The following H2BC11 variants were observed in gnomAD, a reference collection of about 807,000 sequenced individuals.
The protein encoded by H2BC11 is histone H2B type 1-J.
A neutral mutation model predicts 6.0 loss-of-function variants in H2BC11; 7 were observed. That is an observed-to-expected ratio of 1.16 (90% CI 0.66 to 2.19). The LOEUF (loss-of-function observed/expected upper bound fraction) is 2.19, where lower values mean the gene tolerates loss of function less well. Among genes scored for constraint, H2BC11 ranks in the 30% most tolerant of loss-of-function variants. The pLI is 0.00. For synonymous variants in H2BC11, 127 were observed against 72.0 expected, an observed-to-expected ratio of 1.77 and a Z score of -3.87; for missense variants, 215 against 170.3, an observed-to-expected ratio of 1.26 and a Z score of -1.46.
rs767155354 is a variant in H2BC11 at position 27,132,490 on chromosome 6, G to A, written c.261C>T (p.Arg87=). ...EASRLAHYNK[R]STITSREIQT... ...GGATCTCCCTGGAGGTGATGGTCGA[G>A]CGCTTGTTGTAATGCGCCAGGCGGG... The change falls in exon 1 of 1, where the codon CGC becomes CGT. Residue 87 remains arginine (R), a synonymous_variant. Coordinates refer to ENST00000339812, the MANE Select transcript of H2BC11 (RefSeq NM_021058.4). 5.6e-6 allele frequency: 9 copies of A among 1,614,142 alleles called. No individual in the cohort carries two copies. Among genetic ancestry groups the A allele is most frequent in the Non-Finnish European group, 7.6e-6 (9 of 1,180,058 alleles).
rs1277089793 is a variant in H2BC11, at chr6:27,132,499, G to A, written c.252C>T (p.Tyr84=). 3 of 1,614,132 alleles carry A rather than the reference G, an allele frequency of 1.9e-6. No individual in the cohort carries two copies. Among genetic ancestry groups the A allele is most frequent in the South Asian group, 1.1e-5 (1 of 91,094 alleles). The change falls in exon 1 of 1, where the codon TAC becomes TAT. Residue 84 remains tyrosine (Y), a synonymous_variant. Coordinates refer to ENST00000339812, the MANE Select transcript of H2BC11 (RefSeq NM_021058.4). ...TGGAGGTGATGGTCGAGCGCTTGTT[G>A]TAATGCGCCAGGCGGGAAGCCTCAC... ...IAGEASRLAH[Y]NKRSTITSRE...
rs781009697 is a variant in H2BC11 at position 27,132,543 on chromosome 6, TGTC to T, written c.205_207del (p.Asp69del). On this transcript the variant is annotated inframe_deletion, in exon 1 of 1. Coordinates refer to ENST00000339812, the MANE Select transcript of H2BC11 (RefSeq NM_021058.4). ...GCCTCACCTGCGATGCGCTCGAAAATGTCGTTCACAAACGAATTCATGATGCCC... is the reference window on the plus strand; with the variant it reads ...GCCTCACCTGCGATGCGCTCGAAAATGTTCACAAACGAATTCATGATGCCC... 8.1e-6 allele frequency: 13 copies of T among 1,614,078 alleles called. No homozygotes were observed. In the Admixed American group the frequency reaches 1.2e-4, roughly 14 times the overall value.
rs1391056146 is a variant in H2BC11, at chr6:27,132,462, T to A, written c.289A>T (p.Thr97Ser). Residue 97 changes from threonine (T) to serine (S), a missense_variant, in exon 1 of 1, where the codon ACG becomes TCG. Transcript: ENST00000339812. ...RSTITSREIQ[T>S]AVRLLLPGEL... ...CCAGGCAGCAGCAGGCGCACGGCCG[T>A]CTGGATCTCCCTGGAGGTGATGGTC... is the stretch of plus-strand genomic sequence containing the variant. The A allele has an allele frequency of 4.3e-6, 7 of 1,614,044 alleles. No homozygotes were observed. The highest frequency in any genetic ancestry group is 5.9e-6 in the Non-Finnish European group (7 of 1,180,030).
chr6:27,132,696 C>T lies in H2BC11; in HGVS notation c.55G>A (p.Val19Met), dbSNP rs1240785123. 4 of 1,614,126 alleles carry T rather than the reference C, an allele frequency of 2.5e-6. No individual in the cohort carries two copies. The African/African-American group carries it at 5.3e-5, about 22-fold the overall frequency. ...PAPKKGSKKAVTKAQKKDGKK... is the reference protein window; with the variant it reads ...PAPKKGSKKAMTKAQKKDGKK... ...CCGTCTTTCTTCTGCGCCTTAGTCACCGCCTTCTTGGAGCCCTTTTTCGGG... is the reference window on the plus strand; with the variant it reads ...CCGTCTTTCTTCTGCGCCTTAGTCATCGCCTTCTTGGAGCCCTTTTTCGGG... Residue 19 changes from valine (V) to methionine (M), a missense_variant, in exon 1 of 1, where the codon GTG becomes ATG. Physicochemically the swap from Val to Met is conservative, Grantham distance 21. Coordinates refer to ENST00000339812, the MANE Select transcript of H2BC11 (RefSeq NM_021058.4).
At position 27,132,656 on chromosome 6, in the gene H2BC11, C is replaced by G. The variant is rs1315066105; in HGVS notation, c.95G>C (p.Arg32Pro). The G allele has an allele frequency of 6.2e-7, 1 of 1,614,112 alleles. No homozygotes were observed. Among genetic ancestry groups the G allele is most frequent in the African/African-American group, 1.3e-5 (1 of 74,934 alleles). ...AQKKDGKKRK[R>P]SRKESYSIYV... ...GATGGAATAGCTCTCCTTGCGGCTG[C>G]GCTTGCGCTTCTTGCCGTCTTTCTT... is the stretch of plus-strand genomic sequence containing the variant. The change falls in exon 1 of 1, where the codon CGC becomes CCC. Residue 32 changes from arginine (R) to proline (P), a missense_variant. Physicochemically the swap from Arg to Pro is moderately radical, Grantham distance 103 (BLOSUM62 -2). Coordinates refer to ENST00000339812, the MANE Select transcript of H2BC11 (RefSeq NM_021058.4).
Position 27,132,556 on chromosome 6 carries a change from C to T in H2BC11, c.195G>A (p.Ser65=), listed in dbSNP as rs1451593626. The T allele has an allele frequency of 6.2e-7, 1 of 1,614,088 alleles. No homozygotes were observed. Among genetic ancestry groups the T allele is most frequent in the Non-Finnish European group, 8.5e-7 (1 of 1,180,058 alleles). The stretch of plus-strand genomic sequence containing the variant: ...TGCGCTCGAAAATGTCGTTCACAAA[C>T]GAATTCATGATGCCCATGGCCTTGG... ...ISSKAMGIMN[S]FVNDIFERIA... Residue 65 remains serine, a synonymous_variant, in exon 1 of 1, where the codon TCG becomes TCA. Coordinates refer to ENST00000339812, the MANE Select transcript of H2BC11 (RefSeq NM_021058.4).
rs749835594 is a variant in H2BC11 at position 27,132,655 on chromosome 6, G to A, written c.96C>T (p.Arg32=). 1.2e-6 allele frequency: 2 copies of A among 1,614,238 alleles called. No individual in the cohort carries two copies. Among genetic ancestry groups the A allele is most frequent in the Non-Finnish European group, 1.7e-6 (2 of 1,180,040 alleles). ...AQKKDGKKRK[R]SRKESYSIYV... ...AGATGGAATAGCTCTCCTTGCGGCT[G>A]CGCTTGCGCTTCTTGCCGTCTTTCT... Residue 32 remains arginine (R), a synonymous_variant, in exon 1 of 1, where the codon CGC becomes CGT. Transcript: ENST00000339812.
rs2272811 is a variant in H2BC11, at chr6:27,132,412, G to A, written c.339C>T (p.Ser113=). ...ACTTGGTGACGGCCTTAGTACCCTC[G>A]GACACGGCGTGCTTGGCCAACTCCC... is the stretch of plus-strand genomic sequence containing the variant. The part of the protein sequence containing the change: ...LPGELAKHAV[S]EGTKAVTKYT... Residue 113 remains serine (S), a synonymous_variant, in exon 1 of 1, where the codon TCC becomes TCT. Transcript: ENST00000339812. The A allele has an allele frequency of 1.7e-5, 27 of 1,614,130 alleles. No individual in the cohort carries two copies. In the East Asian group the frequency reaches 4.0e-4, roughly 24 times the overall value.
Position 27,132,334 on chromosome 6 carries a change from G to A in H2BC11, c.*36C>T. ...GAGAACATGGGTGGCTCTTAAAAGA[G>A]CCGTTAGGGTTGAGAGTTTGCAACC... On this transcript the variant is annotated 3_prime_UTR_variant, in exon 1 of 1. Coordinates refer to ENST00000339812, the MANE Select transcript of H2BC11 (RefSeq NM_021058.4). 1 of 1,610,934 alleles carries A rather than the reference G, an allele frequency of 6.2e-7. No individual in the cohort carries two copies. Among genetic ancestry groups the A allele is most frequent in the South Asian group, 1.1e-5 (1 of 90,862 alleles).
Position 27,132,631 on chromosome 6 carries a change from G to C in H2BC11, c.120C>G (p.Ile40Met), listed in dbSNP as rs764025317. 1.2e-6 allele frequency: 2 copies of C among 1,614,238 alleles called. No individual in the cohort carries two copies. Among genetic ancestry groups the C allele is most frequent in the Non-Finnish European group, 1.7e-6 (2 of 1,180,042 alleles). The change falls in exon 1 of 1, where the codon ATC becomes ATG. Residue 40 changes from isoleucine to methionine, a missense_variant. Transcript: ENST00000339812. ...RKRSRKESYS[I>M]YVYKVLKQVH... is the part of the protein sequence containing the mutation. ...CCTGCTTCAGAACCTTGTACACATA[G>C]ATGGAATAGCTCTCCTTGCGGCTGC... is the stretch of plus-strand genomic sequence containing the variant.
rs777415433 is a variant in H2BC11 at position 27,132,368 on chromosome 6, G to A, written c.*2C>T. 2 of 1,614,144 alleles carry A rather than the reference G, an allele frequency of 1.2e-6. No individual in the cohort carries two copies. Among genetic ancestry groups the A allele is most frequent in the Non-Finnish European group, 1.7e-6 (2 of 1,180,020 alleles). Reference sequence around the variant, plus strand: ...GTTGAGAGTTTGCAACCAACTCACTGTTTACTTAGCGCTGGTGTACTTGGT... The same window carrying A: ...GTTGAGAGTTTGCAACCAACTCACTATTTACTTAGCGCTGGTGTACTTGGT... On this transcript the variant is annotated 3_prime_UTR_variant, in exon 1 of 1. Coordinates refer to ENST00000339812, the MANE Select transcript of H2BC11 (RefSeq NM_021058.4).
chr6:27,132,634 G>A lies in H2BC11; in HGVS notation c.117C>T (p.Ser39=), dbSNP rs751383107. The A allele has an allele frequency of 1.1e-5, 18 of 1,614,250 alleles. No individual in the cohort carries two copies. Among genetic ancestry groups the A allele is most frequent in the Middle Eastern group, 1.6e-4 (1 of 6,062 alleles). ...KRKRSRKESY[S]IYVYKVLKQV... is the part of the protein sequence containing the mutation. ...GCTTCAGAACCTTGTACACATAGAT[G>A]GAATAGCTCTCCTTGCGGCTGCGCT... is the stretch of plus-strand genomic sequence containing the variant. The change falls in exon 1 of 1, where the codon TCC becomes TCT. Residue 39 remains serine (S), a synonymous_variant. Coordinates refer to ENST00000339812, the MANE Select transcript of H2BC11 (RefSeq NM_021058.4).
rs763616776 is a variant in H2BC11 at position 27,132,779 on chromosome 6, A to AT, written c.-30_-29insA. ...ACTGTGTAGCTATAAAGCGCCAACG[A>AT]AAAGGAAAAACAGCGTGAGCAGGGT... On this transcript the variant is annotated 5_prime_UTR_variant, in exon 1 of 1. Coordinates refer to ENST00000339812, the MANE Select transcript of H2BC11 (RefSeq NM_021058.4). 2 of 1,594,826 alleles carry AT rather than the reference A, an allele frequency of 1.3e-6. No individual in the cohort carries two copies. Among genetic ancestry groups the AT allele is most frequent in the East Asian group, 4.5e-5 (2 of 44,768 alleles).
chr6:27,132,707 G>A lies in H2BC11; in HGVS notation c.44C>T (p.Ser15Phe), dbSNP rs775202984. Residue 15 changes from serine to phenylalanine, a missense_variant, in exon 1 of 1, where the codon TCC becomes TTC. Transcript: ENST00000339812. ...AKSAPAPKKG[S>F]KKAVTKAQKK... is the part of the protein sequence containing the mutation. ...CTGCGCCTTAGTCACCGCCTTCTTGGAGCCCTTTTTCGGGGCGGGAGCAGA... is the reference window on the plus strand; with the variant it reads ...CTGCGCCTTAGTCACCGCCTTCTTGAAGCCCTTTTTCGGGGCGGGAGCAGA... 10 of 1,614,036 alleles carry A rather than the reference G, an allele frequency of 6.2e-6. No homozygotes were observed. The highest frequency in any genetic ancestry group is 1.6e-4 in the Middle Eastern group (1 of 6,084).
chr6:27,132,775 A>G lies in H2BC11; in HGVS notation c.-25T>C. 1 of 1,595,718 alleles carries G rather than the reference A, an allele frequency of 6.3e-7. No homozygotes were observed. The highest frequency in any genetic ancestry group is 8.5e-7 in the Non-Finnish European group (1 of 1,174,186). ...TAGCACTGTGTAGCTATAAAGCGCC[A>G]ACGAAAAGGAAAAACAGCGTGAGCA... is the stretch of plus-strand genomic sequence containing the variant. On this transcript the variant is annotated 5_prime_UTR_variant, in exon 1 of 1. Transcript: ENST00000339812.
rs925199846 is a variant in H2BC11, at chr6:27,132,475, G to A, written c.276C>T (p.Ser92=). The A allele has an allele frequency of 3.7e-6, 6 of 1,614,130 alleles. No homozygotes were observed. The highest frequency in any genetic ancestry group is 4.5e-5 in the East Asian group (2 of 44,898). ...AHYNKRSTIT[S]REIQTAVRLL... ...GGCGCACGGCCGTCTGGATCTCCCTGGAGGTGATGGTCGAGCGCTTGTTGT... is the reference window on the plus strand; with the variant it reads ...GGCGCACGGCCGTCTGGATCTCCCTAGAGGTGATGGTCGAGCGCTTGTTGT... Residue 92 remains serine (S), a synonymous_variant, in exon 1 of 1, where the codon TCC becomes TCT. Transcript: ENST00000339812.
chr6:27,132,574 G>T lies in H2BC11; in HGVS notation c.177C>A (p.Ala59=). Residue 59 remains alanine, a synonymous_variant, in exon 1 of 1, where the codon GCC becomes GCA. Coordinates refer to ENST00000339812, the MANE Select transcript of H2BC11 (RefSeq NM_021058.4). ...VHPDTGISSK[A]MGIMNSFVND... is the part of the protein sequence containing the mutation. ...TCACAAACGAATTCATGATGCCCAT[G>T]GCCTTGGACGAAATGCCGGTGTCAG... The T allele has an allele frequency of 6.2e-6, 10 of 1,614,208 alleles. No individual in the cohort carries two copies. The highest frequency in any genetic ancestry group is 8.5e-6 in the Non-Finnish European group (10 of 1,180,042).
chr6:27,132,529 G>T lies in H2BC11; in HGVS notation c.222C>A (p.Ile74=), dbSNP rs760134857. Residue 74 remains isoleucine (I), a synonymous_variant, in exon 1 of 1, where the codon ATC becomes ATA. Coordinates refer to ENST00000339812, the MANE Select transcript of H2BC11 (RefSeq NM_021058.4). ...NSFVNDIFER[I]AGEASRLAHY... is the part of the protein sequence containing the mutation. Reference sequence around the variant, plus strand: ...GCGCCAGGCGGGAAGCCTCACCTGCGATGCGCTCGAAAATGTCGTTCACAA... The same window carrying T: ...GCGCCAGGCGGGAAGCCTCACCTGCTATGCGCTCGAAAATGTCGTTCACAA... 1 of 1,614,248 alleles carries T rather than the reference G, an allele frequency of 6.2e-7. No homozygotes were observed. Among genetic ancestry groups the T allele is most frequent in the Non-Finnish European group, 8.5e-7 (1 of 1,180,048 alleles).
rs536939260 is a variant in H2BC11, at chr6:27,132,345, TGA to T, written c.*23_*24del. On this transcript the variant is annotated 3_prime_UTR_variant, in exon 1 of 1. Coordinates refer to ENST00000339812, the MANE Select transcript of H2BC11 (RefSeq NM_021058.4). ...TGGCTCTTAAAAGAGCCGTTAGGGT[TGA>T]GAGTTTGCAACCAACTCACTGTTTA... 68 of 1,613,896 alleles carry T rather than the reference TGA, an allele frequency of 4.2e-5. No individual in the cohort carries two copies. In the East Asian group the frequency reaches 9.6e-4, roughly 23 times the overall value.
Sources: gnomAD v4.1 joint callset for allele counts on GRCh38, gnomAD v4.1.1 for gene constraint, MANE v1.5 for transcripts, NCBI Gene and HGNC (gene_info 2026-07-23, HGNC 2026-07-21) for gene names.